Variants in SLC4A10 observed in about 807,000 individuals in gnomAD.
SLC4A10 encodes the protein sodium-driven chloride bicarbonate exchanger.
A neutral mutation model predicts 137.7 loss-of-function variants in SLC4A10; 42 were observed. That is an observed-to-expected ratio of 0.30 (90% CI 0.24 to 0.39). SLC4A10 has a LOEUF of 0.39. Among genes scored for constraint, SLC4A10 ranks in the 10% least tolerant of loss-of-function variants. SLC4A10 has a pLI of 1.00. For synonymous variants in SLC4A10, 474 were observed against 464.1 expected, an observed-to-expected ratio of 1.02 and a Z score of -0.27; for missense variants, 925 against 1,355.0, an observed-to-expected ratio of 0.68 and a Z score of 4.98.
chr2:161,679,200 G>A (rs539850473), intron 1 of SLC4A10, among the ~76,000 whole-genome samples: 1 of 152,180 alleles, frequency 6.6e-6, no homozygotes, highest in South Asian at 2.1e-4. Flanking sequence ...AAAGACTCTT[G>A]TACTCTAGGT....
intron 3 of SLC4A10, among the ~76,000 whole-genome samples, chr2:161,831,325 A>C (rs1397102862): frequency 3.9e-5 from 6 of 152,156 alleles, no homozygotes; most frequent in Non-Finnish European, 7.4e-5. Context: ...GATTAATATT[A>C]TAGATTTCAG....
chr2:161,848,277 T>C (rs1360705044), intron 4 of SLC4A10, among the ~76,000 whole-genome samples: 2 of 152,184 alleles, frequency 1.3e-5, no homozygotes, highest in African/African-American at 4.8e-5. Context: ...AGATTCTGGA[T>C]ATTAAACCTT....
intron 1 of SLC4A10, among the ~76,000 whole-genome samples, chr2:161,681,470 A>T (rs936877115): frequency 6.6e-6 from 1 of 152,136 alleles, no homozygotes; most frequent in South Asian, 2.1e-4. Flanking sequence ...AATTCAGTAT[A>T]CTTTTCATTA....
intron 1 of SLC4A10, among the ~76,000 whole-genome samples, chr2:161,660,582 TTC>T (rs1045111104): frequency 7.6e-6 from 1 of 130,974 alleles, no homozygotes; most frequent in Non-Finnish European, 1.7e-5. Context: ...CTTTCTTTCT[TTC>T]TTTCTTTCTT....
At chr2:161,832,362 T>A (rs2058486026) in intron 3 of SLC4A10, among the ~76,000 whole-genome samples, 1 of 152,126 alleles carries the variant, frequency 6.6e-6, no homozygotes. Context: ...TTCTTGGCAG[T>A]TTTGGCAGTG....
chr2:161,867,681 C>G (rs1263669168), intron 6 of SLC4A10, among the ~76,000 whole-genome samples: 1 of 151,866 alleles, frequency 6.6e-6, no homozygotes, highest in Non-Finnish European at 1.5e-5. Context: ...TAATTTTTCT[C>G]CGAGTTTAAT....
At chr2:161,635,567 G>C (rs2105440945) in intron 1 of SLC4A10, among the ~76,000 whole-genome samples, 1 of 152,162 alleles carries the variant, frequency 6.6e-6, no homozygotes, top group South Asian at 2.1e-4. Flanking sequence ...GGATCATTCT[G>C]GTAAAGCCAT....
chr2:161,928,368 G>T (rs1381457735), intron 15 of SLC4A10, among the ~76,000 whole-genome samples: 2 of 107,294 alleles, frequency 1.9e-5, no homozygotes, highest in Non-Finnish European at 1.8e-5. Context: ...TCTGGGGACT[G>T]TTGTGGGGTG....
At chr2:161,757,685 A>G (rs1017407748) in intron 1 of SLC4A10, among the ~76,000 whole-genome samples, 2 of 152,122 alleles carry the variant, frequency 1.3e-5, no homozygotes, top group Admixed American at 1.3e-4. Context: ...CTACCACTCT[A>G]CTGCCTCTTA....
intron 1 of SLC4A10, among the ~76,000 whole-genome samples, chr2:161,632,289 T>G (rs1387374021): frequency 2.6e-5 from 4 of 151,682 alleles, no homozygotes; most frequent in Admixed American, 6.6e-5. Flanking sequence ...TTCATTATTG[T>G]TAGATCCATA....
intron 1 of SLC4A10, among the ~76,000 whole-genome samples, chr2:161,750,153 G>A (rs1431754427): frequency 6.6e-6 from 1 of 150,916 alleles, no homozygotes; most frequent in Non-Finnish European, 1.5e-5. Flanking sequence ...TTCTTAGTTA[G>A]TCTAGCTAGG....
intron 15 of SLC4A10, among the ~76,000 whole-genome samples, chr2:161,910,784 T>A (rs1020735790): frequency 1.3e-5 from 2 of 151,988 alleles, no homozygotes; most frequent in African/African-American, 4.8e-5. Context: ...TAACCCAAAG[T>A]AGTGATCTGT....
intron 1 of SLC4A10, among the ~76,000 whole-genome samples, chr2:161,762,515 A>G (rs2050360332): frequency 1.3e-5 from 2 of 152,122 alleles, no homozygotes; most frequent in South Asian, 4.1e-4. Flanking sequence ...CATGGTAATG[A>G]ACAAATGGAA....
intron 11 of SLC4A10, 27 bp downstream of exon 11, chr2:161,894,852 A>G: frequency 7.6e-7 from 1 of 1,317,784 alleles, no homozygotes; most frequent in Non-Finnish European, 9.8e-7. Context: ...ACATTCTTTG[A>G]AATTGAATTT....
chr2:161,839,701 G>A (rs2125789019), intron 3 of SLC4A10, 88 bp from the exon 4 acceptor site: 2 of 1,458,548 alleles, frequency 1.4e-6, no homozygotes, highest in East Asian at 2.3e-5. Context: ...GCGAGCTTGG[G>A]GTGGTGCTGA....
chr2:161,885,732 T>C (rs1913804), intron 10 of SLC4A10, among the ~76,000 whole-genome samples: 151,692 of 152,320 alleles, frequency 1, 75,534 homozygotes, highest in Non-Finnish European at 1. Flanking sequence ...CTTTTGTGTA[T>C]GTAGATATGT....
rs114198913 is a variant in SLC4A10 at position 161,688,448 on chromosome 2, A to G, written c.48+63882A>G. Among the ~76,000 whole-genome samples, 1,362 of 152,294 alleles carry G rather than the reference A, an allele frequency of 8.9e-3. 10 individuals are homozygous for G. The highest frequency in any genetic ancestry group is 0.015 in the Non-Finnish European group (1,049 of 67,996). The stretch of plus-strand genomic sequence containing the variant: ...TGGAGTCTAAATACATCTCTTGGGT[A>G]GAGTATGCGATGCATTAGTACTCCC... On this transcript the variant is annotated intron_variant, in intron 1 of 26. Coordinates refer to ENST00000446997, the MANE Select transcript of SLC4A10 (RefSeq NM_001178015.2).
intron 15 of SLC4A10, among the ~76,000 whole-genome samples, chr2:161,913,475 T>A (rs1248062299): frequency 1.3e-5 from 2 of 152,172 alleles, no homozygotes; most frequent in African/African-American, 4.8e-5. Context: ...ATTGTGAACC[T>A]TTGCTCTTAT....
chr2:161,682,340 G>A (rs1297146663), intron 1 of SLC4A10, among the ~76,000 whole-genome samples: 4 of 152,070 alleles, frequency 2.6e-5, no homozygotes, highest in African/African-American at 9.7e-5. Flanking sequence ...TGGTTCCAGT[G>A]TGTCATCAAA....
Sources: gnomAD v4.1 joint callset for allele counts (sites outside exome capture counted in the v4.1 genomes callset) on GRCh38, gnomAD v4.1.1 for gene constraint, MANE v1.5 for transcripts, NCBI Gene and HGNC (gene_info 2026-07-23, HGNC 2026-07-21) for gene names.